The following BRINP3 variants were observed in gnomAD, a reference collection of about 807,000 sequenced individuals.
BRINP3 encodes the protein BMP/retinoic acid-inducible neural-specific protein 3.
A neutral mutation model predicts 71.0 loss-of-function variants in BRINP3; 19 were observed. The observed-to-expected ratio is 0.27, with a 90% confidence interval of 0.19 to 0.39. The LOEUF is 0.39. Among genes scored for constraint, BRINP3 ranks in the 10% least tolerant of loss-of-function variants. BRINP3 has a pLI of 1.00. For missense variants in BRINP3, 959 were observed against 940.8 expected, an observed-to-expected ratio of 1.02 and a Z score of -0.25; for synonymous variants, 380 against 337.7, an observed-to-expected ratio of 1.13 and a Z score of -1.37.
At chr1:190,439,227 G>C (rs1362935398) in intron 2 of BRINP3, among the ~76,000 whole-genome samples, 2 of 151,782 alleles carry the variant, frequency 1.3e-5, no homozygotes, top group Non-Finnish European at 2.9e-5. Context: ...AGAGAAAAAA[G>C]TGTTGCTCAT....
chr1:190,182,506 A>G (rs1456137025), intron 6 of BRINP3, among the ~76,000 whole-genome samples: 1 of 151,882 alleles, frequency 6.6e-6, no homozygotes, highest in African/African-American at 2.4e-5. Context: ...TACAATTTTT[A>G]CTTTTACCAT....
intron 2 of BRINP3, among the ~76,000 whole-genome samples, chr1:190,359,542 C>T (rs557687336): frequency 1.3e-5 from 2 of 152,202 alleles, no homozygotes; most frequent in African/African-American, 2.4e-5. Flanking sequence ...GGGATGATCT[C>T]TTGAGCACAG....
At chr1:190,369,647 T>C (rs1336394305) in intron 2 of BRINP3, among the ~76,000 whole-genome samples, 12 of 67,624 alleles carry the variant, frequency 1.8e-4, no homozygotes, top group African/African-American at 5.5e-4. Flanking sequence ...CTAATTTGCA[T>C]AGACTTAAAA....
intron 3 of BRINP3, among the ~76,000 whole-genome samples, chr1:190,274,900 T>C (rs1304381350): frequency 6.6e-6 from 1 of 151,562 alleles, no homozygotes; most frequent in Admixed American, 6.6e-5. Flanking sequence ...ATTAGGATAG[T>C]TAAGAAATAG....
At chr1:190,212,924 T>C (rs1656111054) in intron 6 of BRINP3, among the ~76,000 whole-genome samples, 1 of 152,048 alleles carries the variant, frequency 6.6e-6, no homozygotes, top group African/African-American at 2.4e-5. Context: ...TTGTTTATTA[T>C]TGCAAATTGA....
chr1:190,440,844 G>A (rs1674768643), intron 2 of BRINP3, among the ~76,000 whole-genome samples: 1 of 151,874 alleles, frequency 6.6e-6, no homozygotes, highest in Non-Finnish European at 1.5e-5. Flanking sequence ...GGACAACAAA[G>A]TCACAACCTA....
chr1:190,326,546 A>G (rs1480942547), intron 2 of BRINP3, among the ~76,000 whole-genome samples: 1 of 152,050 alleles, frequency 6.6e-6, no homozygotes, highest in Non-Finnish European at 1.5e-5. Flanking sequence ...AAAAGCAGCT[A>G]GAAAGTAAGG....
intron 2 of BRINP3, among the ~76,000 whole-genome samples, chr1:190,351,999 T>C (rs1443129469): frequency 1.3e-5 from 2 of 152,026 alleles, no homozygotes; most frequent in Non-Finnish European, 2.9e-5. Flanking sequence ...AAATTCTTTA[T>C]TTTTAAATGC....
chr1:190,125,330 C>A (rs1199951080), intron 7 of BRINP3, among the ~76,000 whole-genome samples: 1 of 150,918 alleles, frequency 6.6e-6, no homozygotes, highest in Non-Finnish European at 1.5e-5. Context: ...ATACATATTA[C>A]ATATATACAC....
At chr1:190,145,244 A>G (rs1655787016) in intron 7 of BRINP3, among the ~76,000 whole-genome samples, 1 of 152,202 alleles carries the variant, frequency 6.6e-6, no homozygotes, top group African/African-American at 2.4e-5. Context: ...GTCCAATGAA[A>G]TAAAAAATGG....
intron 7 of BRINP3, among the ~76,000 whole-genome samples, chr1:190,107,122 G>C (rs1165922248): frequency 6.6e-6 from 1 of 151,882 alleles, no homozygotes; most frequent in Non-Finnish European, 1.5e-5. Flanking sequence ...TATTAGATTT[G>C]TATTGCCAAG....
chr1:190,207,206 T>TTGTC (rs1342751935), intron 6 of BRINP3, among the ~76,000 whole-genome samples: 1 of 152,110 alleles, frequency 6.6e-6, no homozygotes, highest in Admixed American at 6.6e-5. Context: ...TACCGCTAAA[T>TTGTC]TGTCTGTCTG....
chr1:190,408,180 C>G (rs1672420054), intron 2 of BRINP3, among the ~76,000 whole-genome samples: 1 of 136,196 alleles, frequency 7.3e-6, no homozygotes, highest in South Asian at 2.5e-4. Flanking sequence ...CGCCACCACG[C>G]CTGGCTAATT....
intron 1 of BRINP3, among the ~76,000 whole-genome samples, chr1:190,466,970 CACA>C (rs1419526643): frequency 6.6e-6 from 1 of 151,398 alleles, no homozygotes; most frequent in East Asian, 1.9e-4. Flanking sequence ...ACACAACGAA[CACA>C]ACAACACACA....
intron 2 of BRINP3, among the ~76,000 whole-genome samples, chr1:190,392,796 C>G (rs1671333577): frequency 6.6e-6 from 1 of 151,566 alleles, no homozygotes; most frequent in African/African-American, 2.4e-5. Context: ...TCTTTATTCT[C>G]AATTCAATTA....
chr1:190,144,556 C>T (rs1558005433), intron 7 of BRINP3, among the ~76,000 whole-genome samples: 1 of 152,092 alleles, frequency 6.6e-6, no homozygotes, highest in East Asian at 1.9e-4. Context: ...GTATATTCAT[C>T]TTTTTTTCCA....
At chr1:190,187,512 G>A (rs930018647) in intron 6 of BRINP3, among the ~76,000 whole-genome samples, 2 of 151,928 alleles carry the variant, frequency 1.3e-5, no homozygotes, top group Non-Finnish European at 2.9e-5. Flanking sequence ...CATAATTTGG[G>A]TCTTATATTT....
rs1169670367 is a variant in BRINP3, at chr1:190,313,209, C to A, written c.237-31459G>T. ...CTACATAAATTCAGGGGATTGGTAC[C>A]TGCAGATTTTTATGCCTTTTTAAGA... On this transcript the variant is annotated intron_variant, in intron 2 of 7. Coordinates refer to ENST00000367462, the MANE Select transcript of BRINP3 (RefSeq NM_199051.3). Among the ~76,000 whole-genome samples the A allele has an allele frequency of 3.3e-5, 5 of 151,804 alleles. No homozygotes were observed. In the Admixed American group the frequency reaches 3.3e-4, roughly 10 times the overall value.
intron 7 of BRINP3, among the ~76,000 whole-genome samples, chr1:190,130,323 G>A (rs1338069445): frequency 6.6e-6 from 1 of 151,900 alleles, no homozygotes; most frequent in Non-Finnish European, 1.5e-5. Context: ...TTTGTTTGCT[G>A]CTTTGTTTTA....
Sources: allele counts gnomAD v4.1 joint callset (sites outside exome capture counted in the v4.1 genomes callset), GRCh38; gene constraint gnomAD v4.1.1; transcripts MANE v1.5; gene names NCBI Gene and HGNC (gene_info 2026-07-23, HGNC 2026-07-21).